The following LARGE1 variants were observed in gnomAD, a reference collection of about 807,000 sequenced individuals.
LARGE1 encodes the protein LARGE xylosyl- and glucuronyltransferase 1.
Under a neutral mutation model 87.6 loss-of-function variants are expected in LARGE1, and 43 were observed. That is an observed-to-expected ratio of 0.49 (90% CI 0.38 to 0.63). The LOEUF is 0.63. LARGE1 is among the 30% of genes least tolerant of loss of function. The pLI is 0.00. For synonymous variants in LARGE1, 434 were observed against 394.6 expected, an observed-to-expected ratio of 1.10 and a Z score of -1.18; for missense variants, 802 against 1,000.2, an observed-to-expected ratio of 0.80 and a Z score of 2.67.
intron 1 of LARGE1, among the ~76,000 whole-genome samples, chr22:33,800,341 A>C (rs954630176): frequency 9.9e-5 from 15 of 152,226 alleles, no homozygotes; most frequent in African/African-American, 3.1e-4. Flanking sequence ...AATTATCAAA[A>C]TCATGAAAGT....
intron 1 of LARGE1, among the ~76,000 whole-genome samples, chr22:33,917,253 C>T (rs1222079586): frequency 6.6e-6 from 1 of 152,206 alleles, no homozygotes; most frequent in Non-Finnish European, 1.5e-5. Flanking sequence ...TGCATCTTTC[C>T]TGTCTCCCCG....
intron 6 of LARGE1, among the ~76,000 whole-genome samples, chr22:33,520,708 A>G (rs903748760): frequency 6.6e-5 from 10 of 152,324 alleles, no homozygotes; most frequent in East Asian, 3.9e-4. Flanking sequence ...ATGCTCTATG[A>G]GACATGATCT....
At chr22:33,141,546 ATTATAC>A in the LARGE1 span, among the ~76,000 whole-genome samples, 7 of 152,066 alleles carry the variant, frequency 4.6e-5, no homozygotes, top group East Asian at 1.4e-3. Context: ...TTATATCTAT[ATTATAC>A]TTATATGTAT....
chr22:33,743,671 G>C (rs779233244), intron 2 of LARGE1, among the ~76,000 whole-genome samples: 3 of 152,152 alleles, frequency 2.0e-5, no homozygotes, highest in Non-Finnish European at 4.4e-5. Context: ...GCTTATTATT[G>C]CTCTTCGATC....
At position 33,503,497 on chromosome 22, in the gene LARGE1, T is replaced by C. The variant is rs137864754; in HGVS notation, c.787+61351A>G. Among the ~76,000 whole-genome samples the C allele has an allele frequency of 6.6e-5, 10 of 152,030 alleles. No individual in the cohort carries two copies. In the East Asian group the frequency reaches 1.7e-3, roughly 26 times the overall value. On this transcript the variant is annotated intron_variant, in intron 6 of 14. Coordinates refer to ENST00000397394, the MANE Select transcript of LARGE1 (RefSeq NM_133642.5). ...TGTACCAGGAGAATGAAAACACACA[T>C]CCATGCAAAAACTTTTATGTGAGTG...
At chr22:33,864,728 T>C (rs933085673) in intron 1 of LARGE1, among the ~76,000 whole-genome samples, 1 of 152,134 alleles carries the variant, frequency 6.6e-6, no homozygotes, top group South Asian at 2.1e-4. Flanking sequence ...CATATAGATT[T>C]AAGTGGCCAA....
rs766025904 is a variant in LARGE1, at chr22:33,719,988, G to A, written c.106+41383C>T. On this transcript the variant is annotated intron_variant, in intron 2 of 14. Transcript: ENST00000397394. ...CCCAGCCTTTTTGGTACCAGGTACC[G>A]GTTTTGTGGAAGACCATTTCTCCGC... 1.2e-4 allele frequency among the ~76,000 whole-genome samples: 19 copies of A among 152,148 alleles called. 1 individual carries two copies. The highest frequency in any genetic ancestry group is 6.2e-4 in the South Asian group (3 of 4,822).
At chr22:33,634,399 C>T (rs546957438) in intron 3 of LARGE1, among the ~76,000 whole-genome samples, 28 of 152,142 alleles carry the variant, frequency 1.8e-4, no homozygotes, top group Non-Finnish European at 3.2e-4. Flanking sequence ...GCTGCTCTAG[C>T]AGAAGCACTT....
chr22:33,735,510 A>G (rs1029169104), intron 2 of LARGE1, among the ~76,000 whole-genome samples: 3 of 152,120 alleles, frequency 2.0e-5, no homozygotes, highest in Admixed American at 1.3e-4. Flanking sequence ...TTCCTCCCCA[A>G]CAAAGGTATC....
intron 11 of LARGE1, among the ~76,000 whole-genome samples, chr22:33,254,235 G>T (rs182204864): frequency 6.6e-6 from 1 of 152,196 alleles, no homozygotes; most frequent in African/African-American, 2.4e-5. Flanking sequence ...GAAGCTGGAG[G>T]TGGGCTAACT....
intron 11 of LARGE1, among the ~76,000 whole-genome samples, chr22:33,230,319 C>T (rs1176827101): frequency 6.6e-6 from 1 of 151,922 alleles, no homozygotes; most frequent in Non-Finnish European, 1.5e-5. Flanking sequence ...CATGCCTGGC[C>T]TCAAAGTTCT....
chr22:33,376,432 A>G (rs2064995227), intron 9 of LARGE1, among the ~76,000 whole-genome samples: 1 of 152,230 alleles, frequency 6.6e-6, no homozygotes, highest in Non-Finnish European at 1.5e-5. Flanking sequence ...ATGAATTTTA[A>G]GAAATAAGTC....
At chr22:33,805,126 C>T (rs938235970) in intron 1 of LARGE1, among the ~76,000 whole-genome samples, 3 of 152,192 alleles carry the variant, frequency 2.0e-5, no homozygotes, top group African/African-American at 7.2e-5. Flanking sequence ...AAAAACTAGA[C>T]ACACCCTTGA....
At chr22:33,356,113 G>C (rs1053012301) in intron 9 of LARGE1, among the ~76,000 whole-genome samples, 3 of 152,166 alleles carry the variant, frequency 2.0e-5, no homozygotes, top group Non-Finnish European at 4.4e-5. Context: ...GGAAAATGCT[G>C]TCATAGGGTA....
chr22:33,609,755 T>G (rs1569310297), intron 4 of LARGE1, among the ~76,000 whole-genome samples: 1 of 152,068 alleles, frequency 6.6e-6, no homozygotes, highest in African/African-American at 2.4e-5. Flanking sequence ...TGAGGCCTGA[T>G]GGTTAGTGTT....
chr22:33,571,274 C>T (rs545052127), intron 5 of LARGE1, among the ~76,000 whole-genome samples: 1 of 152,104 alleles, frequency 6.6e-6, no homozygotes. Context: ...GGGAAATCTG[C>T]CTTCTTGAAG....
At chr22:33,753,622 G>A (rs552295238) in intron 2 of LARGE1, among the ~76,000 whole-genome samples, 32 of 152,132 alleles carry the variant, frequency 2.1e-4, no homozygotes, top group Non-Finnish European at 3.2e-4. Flanking sequence ...TGGGACTCAC[G>A]GCAACCACAT....
At chr22:33,734,875 G>A (rs1259378630) in intron 2 of LARGE1, among the ~76,000 whole-genome samples, 4 of 152,076 alleles carry the variant, frequency 2.6e-5, no homozygotes, top group Non-Finnish European at 5.9e-5. Context: ...TGGCTACCAT[G>A]GAATGCCTCA....
chr22:33,089,321 T>TTCTTCTTCTTCTTC, the LARGE1 span, among the ~76,000 whole-genome samples: 10 of 87,038 alleles, frequency 1.1e-4, no homozygotes, highest in East Asian at 8.8e-4. Context: ...TTCTTTCTTC[T>TTCTTCTTCTTCTTC]TTCTTCTTCT....
Sources: allele counts gnomAD v4.1 joint callset (sites outside exome capture counted in the v4.1 genomes callset), GRCh38; gene constraint gnomAD v4.1.1; transcripts MANE v1.5; gene names NCBI Gene and HGNC (gene_info 2026-07-23, HGNC 2026-07-21).